Variants in RBFA observed in about 807,000 individuals in gnomAD.
RBFA encodes putative ribosome-binding factor A, mitochondrial.
In RBFA, 16 loss-of-function variants were observed where a neutral mutation model predicts 27.9. That is an observed-to-expected ratio of 0.57 (90% CI 0.39 to 0.87). The LOEUF (loss-of-function observed/expected upper bound fraction) is 0.87, where lower values mean the gene tolerates loss of function less well. Ranked by LOEUF, RBFA falls within the 40% of genes least tolerant of loss-of-function variation. The pLI is 0.00. For synonymous variants in RBFA, 181 were observed against 181.0 expected, an observed-to-expected ratio of 1.00 and a Z score of 0.00; for missense variants, 456 against 432.1, an observed-to-expected ratio of 1.06 and a Z score of -0.49.
chr18:80,041,959 C>T, intron 4 of RBFA, 176 bp from the exon 5 acceptor site: 1 of 285,748 alleles, frequency 3.5e-6, no homozygotes, highest in Non-Finnish European at 6.6e-6. Context: ...ATCTCCTGAC[C>T]TCGTGATCCG....
In RBFA at chr18:80,046,641, T is replaced by C. The variant is rs1449879762; in HGVS notation, c.*486T>C. On this transcript the variant is annotated 3_prime_UTR_variant, in exon 7 of 7. Transcript: ENST00000306735. The stretch of plus-strand genomic sequence containing the variant: ...GGGCTCCATCCCTGGGGCTGCTGGG[T>C]CGGCACGTGGCGCCGGGGGCTCCGT... Among the ~76,000 whole-genome samples, 1 of 151,780 alleles carries C rather than the reference T, an allele frequency of 6.6e-6. No homozygotes were observed. The highest frequency in any genetic ancestry group is 2.4e-5 in the African/African-American group (1 of 41,288).
chr18:80,045,446 T>C (rs1270838817), intron 6 of RBFA, among the ~76,000 whole-genome samples: 1 of 152,000 alleles, frequency 6.6e-6, no homozygotes, highest in Admixed American at 6.5e-5. Context: ...AGGCTGGTCT[T>C]GCACTCCTGA....
At chr18:80,043,307 A>G (rs7238098) in intron 5 of RBFA, among the ~76,000 whole-genome samples, 44,659 of 152,158 alleles carry the variant, frequency 0.29, 6,888 homozygotes, top group Non-Finnish European at 0.35. Flanking sequence ...CCAGTTTGAC[A>G]TTTTTGGTTT....
chr18:80,038,936 T>A (rs894865833), intron 4 of RBFA, among the ~76,000 whole-genome samples: 1 of 152,244 alleles, frequency 6.6e-6, no homozygotes, highest in Non-Finnish European at 1.5e-5. Context: ...GAGGGAAGAC[T>A]GCTGGTGCCA....
Position 80,045,872 on chromosome 18 carries a change from A to G in RBFA, c.749A>G (p.Glu250Gly). 1 of 1,603,284 alleles carries G rather than the reference A, an allele frequency of 6.2e-7. No individual in the cohort carries two copies. The highest frequency in any genetic ancestry group is 8.5e-7 in the Non-Finnish European group (1 of 1,174,782). ...DHEALNKQIM[E>G]YKRRKDKGLG... The stretch of plus-strand genomic sequence containing the variant: ...GAGGCGCTCAACAAGCAGATTATGG[A>G]GTACAAAAGGAGGAAAGATAAAGGG... Residue 250 changes from glutamate to glycine, a missense_variant, in exon 7 of 7, where the codon GAG (glutamate) becomes GGG (glycine). Coordinates refer to ENST00000306735, the MANE Select transcript of RBFA (RefSeq NM_024805.3).
At chr18:80,043,839 A>C (rs11662325) in intron 5 of RBFA, among the ~76,000 whole-genome samples, 71,144 of 151,986 alleles carry the variant, frequency 0.47, 17,474 homozygotes, top group East Asian at 0.77. Context: ...TTTGTCCCCC[A>C]AGGCACACAA....
At chr18:80,037,286 A>C (rs780449226) in intron 2 of RBFA, 44 bp from the exon 3 acceptor site, 2 of 1,570,602 alleles carry the variant, frequency 1.3e-6, no homozygotes, top group Non-Finnish European at 1.7e-6. Context: ...GTGAGTTTGG[A>C]GTTGTAACGC....
At chr18:80,041,720 C>CTTTTTTTTTTTTTT (rs60801792) in intron 4 of RBFA, 1 of 142,348 alleles carries the variant, frequency 7.0e-6, no homozygotes, top group African/African-American at 2.6e-5. Context: ...ACTCCTGCCT[C>CTTTTTTTTTTTTTT]TTTTTTTTTT....
intron 3 of RBFA, 115 bp from the exon 4 acceptor site, chr18:80,038,390 A>G: frequency 1.4e-6 from 1 of 696,742 alleles, no homozygotes; most frequent in Non-Finnish European, 2.4e-6. Context: ...AGCATGCCAG[A>G]GCCCTGGCTT....
chr18:80,046,335 A>G lies in RBFA; in HGVS notation c.*180A>G, dbSNP rs2052054252. On this transcript the variant is annotated 3_prime_UTR_variant, in exon 7 of 7. Transcript: ENST00000306735. ...TACACAAGTCACTGTTTTTTTTTCC[A>G]TGCACTGTGTGTAATTTAAAAATTA... is the stretch of plus-strand genomic sequence containing the variant. 4.5e-6 allele frequency: 3 copies of G among 665,962 alleles called. No homozygotes were observed. The East Asian group carries it at 8.5e-5, about 19-fold the overall frequency. The allele number at this position is 665,962 out of a possible 1,614,324, so 41.3% of individuals were successfully genotyped here.
chr18:80,045,803 C>T lies in RBFA; in HGVS notation c.680C>T (p.Thr227Ile). The change falls in exon 7 of 7, where the codon ACC (threonine) becomes ATC (isoleucine). Residue 227 changes from threonine (T) to isoleucine (I), a missense_variant. Transcript: ENST00000306735. ...CCTGATGCCCCACAACCCTGCGGCA[C>T]CACAGAGCCGACCACAAGCTCCAGT... ...RDPDAPQPCG[T>I]TEPTTSSSLC... 2.6e-6 allele frequency: 4 copies of T among 1,523,880 alleles called. No individual in the cohort carries two copies. Among genetic ancestry groups the T allele is most frequent in the Non-Finnish European group, 3.5e-6 (4 of 1,136,572 alleles). 94.4% of individuals were successfully genotyped at this position (1,523,880 alleles called of 1,614,324 possible).
At position 80,045,766 on chromosome 18, in the gene RBFA, C is replaced by T. The variant is rs200810900; in HGVS notation, c.651-8C>T. ...GTGCTTGGTGTGAAGCCTCTTCTTC[C>T]TTCCCAGGGACCCTGATGCCCCACA... On this transcript the variant is annotated splice_polypyrimidine_tract_variant and splice_region_variant and intron_variant, in intron 6 of 6. Transcript: ENST00000306735. 1.3e-6 allele frequency: 2 copies of T among 1,510,902 alleles called. No individual in the cohort carries two copies. Among genetic ancestry groups the T allele is most frequent in the South Asian group, 2.7e-5 (2 of 73,232 alleles). The allele number at this position is 1,510,902 out of a possible 1,614,324, so 93.6% of individuals were successfully genotyped here. A position where few individuals can be genotyped will look rare whatever the true frequency, so the allele number is the denominator to read the frequency against.
rs754257556 is a variant in RBFA, at chr18:80,034,510, G to A, written c.15G>A (p.Ala5=). The part of the protein sequence containing the change: MWAA[A]GGLWRSRAGL... Reference sequence around the variant, plus strand: ...GGCGCCGCGCCATGTGGGCTGCGGCGGGCGGGCTGTGGCGCTCCCGCGCGG... The same window carrying A: ...GGCGCCGCGCCATGTGGGCTGCGGCAGGCGGGCTGTGGCGCTCCCGCGCGG... The change falls in exon 1 of 7, where the codon GCG becomes GCA. Residue 5 remains alanine, a synonymous_variant. Transcript: ENST00000306735. 2 of 1,571,092 alleles carry A rather than the reference G, an allele frequency of 1.3e-6. No individual in the cohort carries two copies. Among genetic ancestry groups the A allele is most frequent in the Non-Finnish European group, 1.7e-6 (2 of 1,165,552 alleles).
chr18:80,038,623 G>GACC lies in RBFA; in HGVS notation c.491+7_491+9dup. Reference sequence around the variant, plus strand: ...AGAAGTGCCGCGCACATGAGGTGATGACCTTTGCTTTCTGAATGTACTTGC... The same window carrying GACC: ...AGAAGTGCCGCGCACATGAGGTGATGACCACCTTTGCTTTCTGAATGTACTTGC... On this transcript the variant is annotated splice_region_variant and intron_variant, in intron 4 of 6. Transcript: ENST00000306735. The GACC allele has an allele frequency of 6.2e-7, 1 of 1,600,518 alleles. No homozygotes were observed. Among genetic ancestry groups the GACC allele is most frequent in the Non-Finnish European group, 8.5e-7 (1 of 1,170,346 alleles).
At chr18:80,045,228 C>CTTT (rs35063027) in intron 6 of RBFA, among the ~76,000 whole-genome samples, 7 of 138,696 alleles carry the variant, frequency 5.0e-5, no homozygotes, top group South Asian at 2.2e-4. Context: ...GTTGCAAACG[C>CTTT]TTTTTTTTTT....
chr18:80,048,281 G>C lies in RBFA; in HGVS notation c.*2126G>C, dbSNP rs2052070068. On this transcript the variant is annotated 3_prime_UTR_variant, in exon 7 of 7. Coordinates refer to ENST00000306735, the MANE Select transcript of RBFA (RefSeq NM_024805.3). The stretch of plus-strand genomic sequence containing the variant: ...CCACAGCAGAGTAAAGACAGAGTCT[G>C]CCATGCAGGAGTGCTTCGCAGGTCA... 6.6e-6 allele frequency: 1 copy of C among 152,434 alleles called. No individual in the cohort carries two copies. Among genetic ancestry groups the C allele is most frequent in the Non-Finnish European group, 1.5e-5 (1 of 68,218 alleles). The allele number at this position is 152,434 out of a possible 1,614,324, so 9.4% of individuals were successfully genotyped here. A position where few individuals can be genotyped will look rare whatever the true frequency, so the allele number is the denominator to read the frequency against.
intron 1 of RBFA, among the ~76,000 whole-genome samples, chr18:80,036,199 A>G (rs1318753191): frequency 6.6e-6 from 1 of 152,180 alleles, no homozygotes; most frequent in African/African-American, 2.4e-5. Flanking sequence ...CTCCAACTCC[A>G]GACGTACTGT....
intron 6 of RBFA, 61 bp downstream of exon 6, chr18:80,044,346 AT>A: frequency 6.9e-7 from 1 of 1,451,456 alleles, no homozygotes; most frequent in Non-Finnish European, 9.7e-7. Context: ...TGGAATCACC[AT>A]TTTCCAGAGC....
At chr18:80,043,020 C>CT (rs1394619261) in intron 5 of RBFA, among the ~76,000 whole-genome samples, 1 of 152,190 alleles carries the variant, frequency 6.6e-6, no homozygotes, top group African/African-American at 2.4e-5. Flanking sequence ...GATCAGTCCA[C>CT]TTTCGTTTCA....
Sources: gnomAD v4.1 joint callset for allele counts (sites outside exome capture counted in the v4.1 genomes callset) on GRCh38, gnomAD v4.1.1 for gene constraint, MANE v1.5 for transcripts, NCBI Gene and HGNC (gene_info 2026-07-23, HGNC 2026-07-21) for gene names.